ACIN1: variants seen among roughly 807,000 people sequenced by gnomAD.
The protein encoded by ACIN1 is apoptotic chromatin condensation inducer 1.
In ACIN1, 16 loss-of-function variants were observed where a neutral mutation model predicts 146.6. The ratio of observed to expected loss-of-function variants is 0.11; its 90% CI spans 0.07 to 0.17. The LOEUF (loss-of-function observed/expected upper bound fraction) is 0.17, where lower values mean the gene tolerates loss of function less well. Among genes scored for constraint, ACIN1 ranks in the 10% least tolerant of loss-of-function variants. The pLI is 1.00. For missense variants in ACIN1, 1,357 were observed against 1,609.3 expected (o/e 0.84, Z 2.68); for synonymous variants, 569 against 582.7 (o/e 0.98, Z 0.34).
At chr14:23,070,356 G>A (rs1434749106) in intron 8 of ACIN1, among the ~76,000 whole-genome samples, 1 of 152,072 alleles carries the variant, frequency 6.6e-6, no homozygotes, top group Non-Finnish European at 1.5e-5. Flanking sequence ...TACCTGCTCA[G>A]AGGTGTAGAA....
In ACIN1 at chr14:23,068,383, A is replaced by G. The variant is rs2047522687; in HGVS notation, c.2265+1093T>C. 3.0e-6 allele frequency: 3 copies of G among 985,920 alleles called. No individual in the cohort carries two copies. The highest frequency in any genetic ancestry group is 3.6e-6 in the Non-Finnish European group (3 of 829,972). The allele number at this position is 985,920 out of a possible 1,614,324, so 61.1% of individuals were successfully genotyped here. A position where few individuals can be genotyped will look rare whatever the true frequency, so the allele number is the denominator to read the frequency against. ...TCTTCTTGGGGTGTCCCAAGTAGGG[A>G]GATGATGCAAGTCCACCCCTTTCCA... On this transcript the variant is annotated intron_variant, in intron 9 of 18. Transcript: ENST00000605057. This position sits in a 1 kb window ranked among gnomAD's most constrained non-coding sequence, Gnocchi z 4.3.
rs562257295 is a variant in ACIN1, at chr14:23,079,146, TTTTTGTCTGTGTTTACTCCCA to T, written c.1789-129_1789-109del. On this transcript the variant is annotated intron_variant, in intron 6 of 18. Coordinates refer to ENST00000605057, the MANE Select transcript of ACIN1 (RefSeq NM_001386863.1). ...TGGACCAAATTTTATACTCTGGACCTTTTTGTCTGTGTTTACTCCCATTTTGTCTGTGTTTATTCCCATTTA... is the reference window on the plus strand; with the variant it reads ...TGGACCAAATTTTATACTCTGGACCTTTTTGTCTGTGTTTATTCCCATTTA... 8.3e-5 allele frequency: 94 copies of T among 1,131,506 alleles called. 1 individual carries two copies. In the South Asian group the frequency reaches 1.2e-3, roughly 15 times the overall value. 70.1% of individuals were successfully genotyped at this position (1,131,506 alleles called of 1,614,324 possible).
Position 23,079,584 on chromosome 14 carries a change from C to T in ACIN1, c.1751G>A (p.Arg584His), listed in dbSNP as rs80007670. ...GCTTGATGCTGAACGAGAACGTGAA[C>T]GTGACCTTGATCTGGACTCTGATGT... is the stretch of plus-strand genomic sequence containing the variant. ...RSTSESRSRS[R>H]SRSRSASSNS... Residue 584 changes from arginine (R) to histidine (H), a missense_variant, in exon 6 of 19, where the codon CGT (arginine) becomes CAT (histidine). Physicochemically the swap from Arg to His is conservative, Grantham distance 29 (BLOSUM62 0). Transcript: ENST00000605057. 2 of 1,453,108 alleles carry T rather than the reference C, an allele frequency of 1.4e-6. No individual in the cohort carries two copies. Among genetic ancestry groups the T allele is most frequent in the South Asian group, 1.2e-5 (1 of 84,556 alleles). 90.0% of individuals were successfully genotyped at this position (1,453,108 alleles called of 1,614,324 possible). A position where few individuals can be genotyped will look rare whatever the true frequency, so the allele number is the denominator to read the frequency against.
chr14:23,062,733 A>G, intron 14 of ACIN1, 196 bp downstream of exon 14: 1 of 821,250 alleles, frequency 1.2e-6, no homozygotes, highest in Non-Finnish European at 1.9e-6. Flanking sequence ...GCAAGTCCTC[A>G]AAACAACCCT....
chr14:23,078,242 C>T lies in ACIN1; in HGVS notation c.2032G>A (p.Glu678Lys), dbSNP rs1230652350. The change falls in exon 8 of 19, where the codon GAA (glutamate) becomes AAA (lysine). Residue 678 changes from glutamate to lysine, a missense_variant. Glu to Lys is a moderately conservative substitution (Grantham distance 56, BLOSUM62 1). Transcript: ENST00000605057. ...GTGGCAGCTGGTGGCTCTGCCTCTTCAGCTTCACACTTCTTTGGGCTCCCC... is the reference window on the plus strand; with the variant it reads ...GTGGCAGCTGGTGGCTCTGCCTCTTTAGCTTCACACTTCTTTGGGCTCCCC... ...ERGSPKKCEA[E>K]EAEPPAATQP... is the part of the protein sequence containing the mutation. 6.2e-7 allele frequency: 1 copy of T among 1,614,050 alleles called. No homozygotes were observed. The highest frequency in any genetic ancestry group is 1.3e-5 in the African/African-American group (1 of 74,926).
At chr14:23,059,574 A>C (rs1242544408) in intron 18 of ACIN1, 100 bp from the exon 19 acceptor site, 2 of 887,234 alleles carry the variant, frequency 2.3e-6, no homozygotes, top group Non-Finnish European at 3.6e-6. Context: ...TCAGCTTTTC[A>C]GTTAAACAGG....
At chr14:23,082,743 CTT>C (rs36123912) in intron 4 of ACIN1, among the ~76,000 whole-genome samples, 8 of 138,328 alleles carry the variant, frequency 5.8e-5, no homozygotes, top group Admixed American at 1.4e-4. Context: ...ACATGTTTTT[CTT>C]TTTTTTTTTT....
chr14:23,069,117 A>T, intron 9 of ACIN1: 1 of 1,003,470 alleles, frequency 1.0e-6, no homozygotes, highest in African/African-American at 1.7e-5. Flanking sequence ...TCAGGCTTTT[A>T]AAAAGGAGGG....
chr14:23,064,051 C>G, intron 12 of ACIN1, 54 bp downstream of exon 12: 1 of 1,605,386 alleles, frequency 6.2e-7, no homozygotes, highest in Non-Finnish European at 8.5e-7. Context: ...CAGCTAGCTG[C>G]TCTGCATCTA....
At chr14:23,069,869 C>T (rs2140067143) in intron 8 of ACIN1, among the ~76,000 whole-genome samples, 1 of 152,270 alleles carries the variant, frequency 6.6e-6, no homozygotes, top group South Asian at 2.1e-4. Context: ...TAAAAGTTGT[C>T]ATTTGTGGGG....
rs1162785879 is a variant in ACIN1 at position 23,058,667 on chromosome 14, A to G, written c.*481T>C. 1.2e-5 allele frequency: 2 copies of G among 163,846 alleles called. No homozygotes were observed. Among genetic ancestry groups the G allele is most frequent in the African/African-American group, 4.8e-5 (2 of 41,836 alleles). 10.1% of individuals were successfully genotyped at this position (163,846 alleles called of 1,614,324 possible). A position where few individuals can be genotyped will look rare whatever the true frequency, so the allele number is the denominator to read the frequency against. On this transcript the variant is annotated 3_prime_UTR_variant, in exon 19 of 19. Transcript: ENST00000605057. Reference sequence around the variant, plus strand: ...GAACAAAAGGAAAAGGTGGATATAAAGTGGAACCTGTGGGAAAGAGGCAAG... The same window carrying G: ...GAACAAAAGGAAAAGGTGGATATAAGGTGGAACCTGTGGGAAAGAGGCAAG...
chr14:23,081,661 G>A, intron 5 of ACIN1, 87 bp downstream of exon 5: 1 of 1,162,334 alleles, frequency 8.6e-7, no homozygotes, highest in Non-Finnish European at 1.2e-6. Flanking sequence ...TAAATGTAGA[G>A]ACATACAAAC....
intron 8 of ACIN1, 98 bp downstream of exon 8, chr14:23,078,053 A>G: frequency 1.9e-6 from 2 of 1,061,322 alleles, no homozygotes; most frequent in South Asian, 1.4e-5. Flanking sequence ...ATGTTTTAAA[A>G]GGAAACTAGG....
intron 4 of ACIN1, among the ~76,000 whole-genome samples, chr14:23,084,293 C>T (rs1260710972): frequency 6.6e-6 from 1 of 152,070 alleles, no homozygotes; most frequent in Non-Finnish European, 1.5e-5. Flanking sequence ...TAGGCGAATG[C>T]TTCTGTAATA....
chr14:23,071,324 A>T (rs1432668222), intron 8 of ACIN1: 1 of 1,510,900 alleles, frequency 6.6e-7, no homozygotes, highest in African/African-American at 1.4e-5. Flanking sequence ...ATTGAGATGT[A>T]GCAACCGGGG....
Position 23,064,496 on chromosome 14 carries a change from C to A in ACIN1, c.2309-8G>T. The A allele has an allele frequency of 6.2e-7, 1 of 1,613,734 alleles. No homozygotes were observed. Among genetic ancestry groups the A allele is most frequent in the South Asian group, 1.1e-5 (1 of 91,018 alleles). On this transcript the variant is annotated splice_region_variant and splice_polypyrimidine_tract_variant and intron_variant, in intron 10 of 18. Coordinates refer to ENST00000605057, the MANE Select transcript of ACIN1 (RefSeq NM_001386863.1). ...GCACCCCCTTGGTAGCTGCTGTCCC[C>A]AAGAAATAGACCCAACAGTTAGATG...
At chr14:23,088,155 AT>A (rs944470769) in intron 4 of ACIN1, among the ~76,000 whole-genome samples, 1 of 151,836 alleles carries the variant, frequency 6.6e-6, no homozygotes, top group Non-Finnish European at 1.5e-5. Flanking sequence ...AATTCAATAA[AT>A]TTTTTTTTGT....
chr14:23,059,166 G>A lies in ACIN1; in HGVS notation c.3834C>T (p.Asp1278=), dbSNP rs1205004702. 2 of 1,613,902 alleles carry A rather than the reference G, an allele frequency of 1.2e-6. No individual in the cohort carries two copies. The highest frequency in any genetic ancestry group is 4.5e-5 in the East Asian group (2 of 44,860). ...TTCCCAGCTAGCGGCGCCCACCCCG[G>A]TCCCGCACAGGTGTGCTCCGACTCC... is the stretch of plus-strand genomic sequence containing the variant. The part of the protein sequence containing the change: ...RSRSRSTPVR[D]RGGRR Residue 1278 remains aspartate, a synonymous_variant, in exon 19 of 19, where the codon GAC becomes GAT. Transcript: ENST00000605057.
At chr14:23,090,490 ACTC>A in intron 3 of ACIN1, 29 bp downstream of exon 3, 1 of 1,587,638 alleles carries the variant, frequency 6.3e-7, no homozygotes. Context: ...AGAATGACGA[ACTC>A]CTTGTTAAAA....
Sources: gnomAD v4.1 joint callset for allele counts (sites outside exome capture counted in the v4.1 genomes callset) on GRCh38, gnomAD v4.1.1 for gene constraint, Gnocchi (gnomAD v3.1) non-coding constraint, MANE v1.5 for transcripts, NCBI Gene and HGNC (gene_info 2026-07-23, HGNC 2026-07-21) for gene names.